The following SCAPER variants were observed in gnomAD, a reference collection of about 807,000 sequenced individuals.
The protein encoded by SCAPER is S-phase cyclin A associated protein in the ER, also known as S phase cyclin A-associated protein in the endoplasmic reticulum.
SCAPER carries 98 observed loss-of-function variants against 182.2 expected under a neutral mutation model. The observed-to-expected ratio is 0.54, with a 90% CI of 0.46 to 0.64. SCAPER has a LOEUF of 0.64. Among genes scored for constraint, SCAPER ranks in the 30% least tolerant of loss-of-function variants. SCAPER has a pLI of 0.00. For missense variants in SCAPER, 1,432 were observed against 1,690.0 expected, an observed-to-expected ratio of 0.85 and a Z score of 2.68; for synonymous variants, 605 against 564.6, an observed-to-expected ratio of 1.07 and a Z score of -1.01.
intron 27 of SCAPER, among the ~76,000 whole-genome samples, chr15:76,393,750 A>G (rs1001334757): frequency 6.6e-6 from 1 of 152,206 alleles, no homozygotes; most frequent in African/African-American, 2.4e-5. Flanking sequence ...AGGCTGAGTC[A>G]TAAAAGGTGA....
At chr15:76,385,544 A>C (rs1189941060) in intron 27 of SCAPER, among the ~76,000 whole-genome samples, 1 of 152,178 alleles carries the variant, frequency 6.6e-6, no homozygotes, top group Non-Finnish European at 1.5e-5. Flanking sequence ...GGTGAGACTA[A>C]GTCATTGTCT....
intron 26 of SCAPER, among the ~76,000 whole-genome samples, chr15:76,419,944 T>C (rs1211765560): frequency 6.6e-6 from 1 of 152,118 alleles, no homozygotes; most frequent in Non-Finnish European, 1.5e-5. Context: ...TCACTGTAAT[T>C]AGTGGGGCTC....
chr15:76,573,899 TCA>T (rs2047630239), intron 23 of SCAPER, among the ~76,000 whole-genome samples: 1 of 152,102 alleles, frequency 6.6e-6, no homozygotes, highest in South Asian at 2.1e-4. Flanking sequence ...CAAAATAATT[TCA>T]GTTTATTTGT....
chr15:76,404,112 A>G (rs1446223800), intron 27 of SCAPER, among the ~76,000 whole-genome samples: 1 of 152,214 alleles, frequency 6.6e-6, no homozygotes, highest in Non-Finnish European at 1.5e-5. Context: ...CTAGCAGCCT[A>G]TAACTGAAAG....
At chr15:76,527,991 T>C (rs1638599492) in intron 23 of SCAPER, among the ~76,000 whole-genome samples, 1 of 152,226 alleles carries the variant, frequency 6.6e-6, no homozygotes, top group African/African-American at 2.4e-5. Context: ...AGTCTAACAT[T>C]TATCTTTGTC....
intron 21 of SCAPER, among the ~76,000 whole-genome samples, chr15:76,629,529 T>G (rs1389695727): frequency 1.3e-5 from 2 of 152,242 alleles, no homozygotes; most frequent in Non-Finnish European, 2.9e-5. Flanking sequence ...ATGTGGTTTT[T>G]GTCTTTAGAT....
chr15:76,422,653 T>A (rs1369726186), intron 26 of SCAPER, among the ~76,000 whole-genome samples: 1 of 152,158 alleles, frequency 6.6e-6, no homozygotes, highest in Non-Finnish European at 1.5e-5. Context: ...CTTCCAACAC[T>A]ATGTTGAATA....
chr15:76,813,008 A>ATTTGTGTGT (rs77759308), intron 5 of SCAPER, among the ~76,000 whole-genome samples: 4 of 151,504 alleles, frequency 2.6e-5, no homozygotes, highest in Non-Finnish European at 4.4e-5. Flanking sequence ...ATATACACAC[A>ATTTGTGTGT]AAAATGCTCA....
intron 5 of SCAPER, among the ~76,000 whole-genome samples, chr15:76,826,010 T>C (rs2067981429): frequency 6.6e-6 from 1 of 152,184 alleles, no homozygotes; most frequent in African/African-American, 2.4e-5. Flanking sequence ...CTCCCAAAAG[T>C]GCTGGGATTA....
intron 23 of SCAPER, among the ~76,000 whole-genome samples, chr15:76,550,785 G>A (rs149788922): frequency 6.4e-4 from 98 of 152,254 alleles, no homozygotes; most frequent in African/African-American, 2.2e-3. Context: ...CTTCCACAAT[G>A]GTTGAGCTAA....
At chr15:76,868,343 T>C (rs867366677) in intron 2 of SCAPER, among the ~76,000 whole-genome samples, 4 of 152,084 alleles carry the variant, frequency 2.6e-5, no homozygotes, top group Admixed American at 2.6e-4. Context: ...CAGTGAGCTA[T>C]GATCGCATCA....
At chr15:76,386,294 T>C (rs1288385616) in intron 27 of SCAPER, among the ~76,000 whole-genome samples, 2 of 152,190 alleles carry the variant, frequency 1.3e-5, no homozygotes, top group Admixed American at 6.5e-5. Flanking sequence ...GTTCTGGAGA[T>C]TCAAATATAG....
chr15:76,746,891 C>T (rs923777781), intron 15 of SCAPER, among the ~76,000 whole-genome samples: 7 of 152,290 alleles, frequency 4.6e-5, no homozygotes, highest in South Asian at 2.1e-4. Flanking sequence ...GGAAATTCCA[C>T]GTTCATAAAT....
At chr15:76,400,226 C>A (rs543463359) in intron 27 of SCAPER, among the ~76,000 whole-genome samples, 21 of 152,264 alleles carry the variant, frequency 1.4e-4, no homozygotes, top group African/African-American at 5.1e-4. Context: ...ATTTTTGAAG[C>A]CCTCTCTAGC....
At chr15:76,607,764 A>AT (rs147673985) in intron 22 of SCAPER, among the ~76,000 whole-genome samples, 41,541 of 151,670 alleles carry the variant, frequency 0.27, 6,445 homozygotes, top group East Asian at 0.55. Flanking sequence ...CATTTCATTC[A>AT]TTTTGTCTTC....
At chr15:76,795,224 T>G (rs1251682073) in intron 8 of SCAPER, 56 bp downstream of exon 8, 15 of 1,450,986 alleles carry the variant, frequency 1.0e-5, no homozygotes, top group Non-Finnish European at 1.0e-5. Context: ...ACAAAATAAG[T>G]ATCTCTATAT....
intron 20 of SCAPER, among the ~76,000 whole-genome samples, chr15:76,676,449 T>A (rs2057374368): frequency 6.6e-6 from 1 of 152,178 alleles, no homozygotes; most frequent in Non-Finnish European, 1.5e-5. Context: ...TGCTAAACAG[T>A]CAACTAGTCT....
intron 1 of SCAPER, among the ~76,000 whole-genome samples, chr15:76,890,546 A>G (rs1174276044): frequency 1.3e-5 from 2 of 152,170 alleles, no homozygotes; most frequent in Non-Finnish European, 2.9e-5. Flanking sequence ...ACACCTCTAC[A>G]CAAATAAATT....
chr15:76,432,983 A>C (rs1045063822), intron 26 of SCAPER, among the ~76,000 whole-genome samples: 13 of 152,210 alleles, frequency 8.5e-5, no homozygotes, highest in Non-Finnish European at 1.5e-4. Context: ...GGGTTACTAT[A>C]CTATACTATA....
Sources: gnomAD v4.1 joint callset for allele counts (sites outside exome capture counted in the v4.1 genomes callset) on GRCh38, gnomAD v4.1.1 for gene constraint, MANE v1.5 for transcripts, NCBI Gene and HGNC (gene_info 2026-07-23, HGNC 2026-07-21) for gene names.